Variants in CSMD1 observed in about 807,000 individuals in gnomAD.
CSMD1 encodes CUB and sushi domain-containing protein 1.
CSMD1 carries 213 observed loss-of-function variants against 417.5 expected under a neutral mutation model. The observed-to-expected ratio is 0.51, with a 90% CI of 0.46 to 0.57. The LOEUF (loss-of-function observed/expected upper bound fraction) is 0.57, where lower values mean the gene tolerates loss of function less well. CSMD1 is among the 20% of genes least tolerant of loss of function. CSMD1 has a pLI of 0.00. For missense variants in CSMD1, 6,923 were observed against 4,529.7 expected, an observed-to-expected ratio of 1.53 and a Z score of -15.17; for synonymous variants, 2,862 against 1,736.8, an observed-to-expected ratio of 1.65 and a Z score of -16.11.
At chr8:4,517,201 T>C (rs1400603296) in intron 2 of CSMD1, among the ~76,000 whole-genome samples, 1 of 152,198 alleles carries the variant, frequency 6.6e-6, no homozygotes, top group Non-Finnish European at 1.5e-5. Context: ...TTATGAGACA[T>C]AATGATATCA....
rs73657807 is a variant in CSMD1 at position 3,308,492 on chromosome 8, C to G, written c.3643G>C (p.Val1215Leu). Residue 1215 changes from valine to leucine, a missense_variant, in exon 24 of 70, where the codon GTA (valine) becomes CTA (leucine). Val to Leu is a conservative substitution (Grantham distance 32, BLOSUM62 1). Coordinates refer to ENST00000635120, the MANE Select transcript of CSMD1 (RefSeq NM_033225.6). Reference sequence around the variant, plus strand: ...GGGATGCCCGGATCCTCACATTTTACCAGATCAAAACCTGCAAGAGAGAAA... The same window carrying G: ...GGGATGCCCGGATCCTCACATTTTAGCAGATCAAAACCTGCAAGAGAGAAA... The part of the protein sequence containing the change: ...FQLTYTSFDL[V>L]KCEDPGIPNY... The G allele has an allele frequency of 1.2e-6, 2 of 1,611,588 alleles. No homozygotes were observed. The highest frequency in any genetic ancestry group is 1.7e-6 in the Non-Finnish European group (2 of 1,178,536).
At chr8:3,760,826 G>C (rs189964043) in intron 5 of CSMD1, among the ~76,000 whole-genome samples, 6 of 152,288 alleles carry the variant, frequency 3.9e-5, no homozygotes, top group African/African-American at 1.4e-4. Flanking sequence ...AAGCCAGAAA[G>C]CATTACTGCT....
chr8:3,166,925 C>G (rs1253053179), intron 37 of CSMD1, among the ~76,000 whole-genome samples: 1 of 152,194 alleles, frequency 6.6e-6, no homozygotes, highest in Non-Finnish European at 1.5e-5. Flanking sequence ...TTTCAAATCA[C>G]AGCATACATA....
intron 46 of CSMD1, among the ~76,000 whole-genome samples, chr8:3,099,474 C>T (rs1157564400): frequency 6.6e-6 from 1 of 152,106 alleles, no homozygotes; most frequent in Non-Finnish European, 1.5e-5. Flanking sequence ...TCTAGGCTGA[C>T]CTTATACTAA....
chr8:4,711,190 C>T lies in CSMD1; in HGVS notation c.86-73632G>A, dbSNP rs528770555. 2.0e-5 allele frequency among the ~76,000 whole-genome samples: 3 copies of T among 150,664 alleles called. No individual in the cohort carries two copies. In the South Asian group the frequency reaches 6.3e-4, roughly 32 times the overall value. ...AAAAAACCATGATCCTTTTATTACT[C>T]ATACTTGGAAAGGCAAATTTGAAGT... On this transcript the variant is annotated intron_variant, in intron 1 of 69. Coordinates refer to ENST00000635120, the MANE Select transcript of CSMD1 (RefSeq NM_033225.6).
At chr8:3,606,713 ATTT>A (rs11335642) in intron 8 of CSMD1, among the ~76,000 whole-genome samples, 43,198 of 139,988 alleles carry the variant, frequency 0.31, 7,045 homozygotes, top group Middle Eastern at 0.47. Flanking sequence ...CTTCGTTACA[ATTT>A]TTTTTTTTTT....
intron 3 of CSMD1, among the ~76,000 whole-genome samples, chr8:4,076,648 C>G (rs1456042534): frequency 6.6e-6 from 1 of 152,164 alleles, no homozygotes; most frequent in African/African-American, 2.4e-5. Flanking sequence ...GGATTATTCT[C>G]TAACAAGGCC....
chr8:4,597,569 G>A (rs1296524970), intron 2 of CSMD1, among the ~76,000 whole-genome samples: 4 of 151,360 alleles, frequency 2.6e-5, no homozygotes, highest in Non-Finnish European at 1.5e-5. Flanking sequence ...CCAAAACAAT[G>A]CAACAAAAAA....
chr8:4,838,590 A>C (rs1323362691), intron 1 of CSMD1, among the ~76,000 whole-genome samples: 4 of 152,220 alleles, frequency 2.6e-5, no homozygotes, highest in African/African-American at 9.7e-5. Context: ...ATATTCATAA[A>C]CAATCAGTTT....
At chr8:4,335,765 A>G (rs988218274) in intron 3 of CSMD1, among the ~76,000 whole-genome samples, 3 of 152,154 alleles carry the variant, frequency 2.0e-5, no homozygotes, top group African/African-American at 4.8e-5. Context: ...AGAGTCATCA[A>G]TACCTGAAGA....
chr8:3,271,000 C>T (rs1283749337), intron 26 of CSMD1, among the ~76,000 whole-genome samples: 1 of 151,568 alleles, frequency 6.6e-6, no homozygotes, highest in Non-Finnish European at 1.5e-5. Context: ...CATATGTATA[C>T]ATGTGCCATG....
chr8:3,540,908 G>C (rs529926212), intron 10 of CSMD1, among the ~76,000 whole-genome samples: 3 of 152,342 alleles, frequency 2.0e-5, no homozygotes, highest in African/African-American at 4.8e-5. Flanking sequence ...TGGAGAAACA[G>C]AAACTCTTTT....
intron 2 of CSMD1, among the ~76,000 whole-genome samples, chr8:4,462,551 A>T (rs889589462): frequency 2.0e-5 from 3 of 152,188 alleles, no homozygotes; most frequent in Non-Finnish European, 4.4e-5. Context: ...ATCTTTAAAA[A>T]AGAAAAATTT....
chr8:3,593,344 G>C (rs1800945443), intron 8 of CSMD1, among the ~76,000 whole-genome samples: 1 of 152,222 alleles, frequency 6.6e-6, no homozygotes, highest in African/African-American at 2.4e-5. Context: ...GTGCTTCATA[G>C]AGTCTGGAGA....
chr8:3,386,874 A>G (rs1251531836), intron 18 of CSMD1, among the ~76,000 whole-genome samples: 1 of 152,222 alleles, frequency 6.6e-6, no homozygotes, highest in Non-Finnish European at 1.5e-5. Flanking sequence ...ATATTTACCT[A>G]ACTGTTATTA....
At chr8:3,386,388 T>G (rs1811005016) in intron 18 of CSMD1, among the ~76,000 whole-genome samples, 1 of 152,130 alleles carries the variant, frequency 6.6e-6, no homozygotes, top group African/African-American at 2.4e-5. Context: ...CGGTTCCAGC[T>G]GGTTCGCACA....
intron 1 of CSMD1, among the ~76,000 whole-genome samples, chr8:4,851,332 C>T (rs1016587995): frequency 1.3e-5 from 2 of 151,900 alleles, no homozygotes; most frequent in South Asian, 2.1e-4. Flanking sequence ...CAACTTTTCT[C>T]GCCCCCTTTT....
intron 5 of CSMD1, among the ~76,000 whole-genome samples, chr8:3,964,158 A>C (rs1812517439): frequency 6.6e-6 from 1 of 152,240 alleles, no homozygotes; most frequent in South Asian, 2.1e-4. Flanking sequence ...GGTGAAGACC[A>C]ATTTTCATCT....
chr8:4,569,558 A>T (rs1280107409), intron 2 of CSMD1, among the ~76,000 whole-genome samples: 1 of 152,134 alleles, frequency 6.6e-6, no homozygotes, highest in Non-Finnish European at 1.5e-5. Context: ...CTTGTAATAT[A>T]GTTTGAAGTC....
Sources: allele counts gnomAD v4.1 joint callset (sites outside exome capture counted in the v4.1 genomes callset), GRCh38; gene constraint gnomAD v4.1.1; transcripts MANE v1.5; gene names NCBI Gene and HGNC (gene_info 2026-07-23, HGNC 2026-07-21).